Variants in ATP2B2 observed in about 807,000 individuals in gnomAD.
ATP2B2 encodes plasma membrane calcium-transporting ATPase 2.
In ATP2B2, 15 loss-of-function variants were observed where a neutral mutation model predicts 120.0. The observed-to-expected ratio is 0.12, with a 90% CI of 0.08 to 0.19. The LOEUF is 0.19. ATP2B2 is among the 10% of genes least tolerant of loss of function. ATP2B2 has a pLI of 1.00. For missense variants in ATP2B2, 1,045 were observed against 1,719.8 expected (o/e 0.61, Z 6.94); for synonymous variants, 694 against 700.3 (o/e 0.99, Z 0.14).
intron 2 of ATP2B2, among the ~76,000 whole-genome samples, chr3:10,585,245 C>A (rs1389999816): frequency 6.6e-6 from 1 of 152,004 alleles, no homozygotes; most frequent in Non-Finnish European, 1.5e-5. Context: ...CACCTATAAT[C>A]CCAGCTTTGG....
intron 2 of ATP2B2, among the ~76,000 whole-genome samples, chr3:10,613,956 C>T (rs1049586624): frequency 3.3e-5 from 5 of 152,080 alleles, no homozygotes; most frequent in Non-Finnish European, 5.9e-5. Context: ...TTCAGCCTGC[C>T]TCAGGCTTTT....
At chr3:10,350,676 A>T in intron 14 of ATP2B2, 99 bp from the exon 15 acceptor site, 1 of 1,311,682 alleles carries the variant, frequency 7.6e-7, no homozygotes, top group Non-Finnish European at 1.1e-6. Flanking sequence ...AGGCAGCTCT[A>T]CTGAAAGGGG....
rs2067141192 is a variant in ATP2B2 at position 10,528,300 on chromosome 3, A to T, written c.-320+5739T>A. Among the ~76,000 whole-genome samples the T allele has an allele frequency of 2.6e-5, 4 of 152,228 alleles. No individual in the cohort carries two copies. In the South Asian group the frequency reaches 8.3e-4, roughly 32 times the overall value. ...AAGGAAGCTTCCACTGAAACAAGTC[A>T]CGTGGGGAAATGCCAGGCCAGGAGA... On this transcript the variant is annotated intron_variant, in intron 3 of 21. Transcript: ENST00000646379.
chr3:10,706,823 G>A (rs1435403272), intron 1 of ATP2B2, among the ~76,000 whole-genome samples: 1 of 152,186 alleles, frequency 6.6e-6, no homozygotes, highest in Non-Finnish European at 1.5e-5. Flanking sequence ...GTAAGAGACA[G>A]TGTCCCAGAG....
chr3:10,696,051 C>T (rs568259683), intron 1 of ATP2B2, among the ~76,000 whole-genome samples: 1 of 152,294 alleles, frequency 6.6e-6, no homozygotes, highest in Admixed American at 6.5e-5. Flanking sequence ...AGATAGTTCT[C>T]GTCTTAACAT....
chr3:10,432,226 G>C (rs1054474102), intron 2 of ATP2B2, among the ~76,000 whole-genome samples: 2 of 152,152 alleles, frequency 1.3e-5, no homozygotes, highest in African/African-American at 4.8e-5. Flanking sequence ...TGATAATACC[G>C]GAAGGAGATG....
At chr3:10,442,353 C>T (rs986680287) in intron 2 of ATP2B2, among the ~76,000 whole-genome samples, 4 of 152,166 alleles carry the variant, frequency 2.6e-5, no homozygotes, top group Admixed American at 2.6e-4. Context: ...ACCGGGAAGC[C>T]CTTCAGTCAG....
chr3:10,392,560 G>T (rs1280087790), intron 5 of ATP2B2, among the ~76,000 whole-genome samples: 2 of 152,260 alleles, frequency 1.3e-5, no homozygotes, highest in Non-Finnish European at 2.9e-5. Context: ...GACCACAGGG[G>T]CAGAGGTGGG....
intron 1 of ATP2B2, among the ~76,000 whole-genome samples, chr3:10,663,213 C>G (rs1410403011): frequency 6.7e-6 from 1 of 148,310 alleles, no homozygotes; most frequent in Non-Finnish European, 1.5e-5. Flanking sequence ...GTACATTGTG[C>G]ACCCTAGAAT....
intron 1 of ATP2B2, among the ~76,000 whole-genome samples, chr3:10,638,999 C>T (rs1446412741): frequency 2.6e-5 from 4 of 152,170 alleles, no homozygotes; most frequent in Non-Finnish European, 5.9e-5. Flanking sequence ...AATTCACAAT[C>T]ATCGTTGGAG....
chr3:10,651,976 T>C (rs2070479683), intron 1 of ATP2B2, among the ~76,000 whole-genome samples: 1 of 152,192 alleles, frequency 6.6e-6, no homozygotes, highest in African/African-American at 2.4e-5. Flanking sequence ...GAATGGACTA[T>C]ACCAGGTTCA....
At chr3:10,420,661 C>T (rs928486209) in intron 2 of ATP2B2, among the ~76,000 whole-genome samples, 6 of 152,242 alleles carry the variant, frequency 3.9e-5, no homozygotes, top group Admixed American at 2.6e-4. Flanking sequence ...CACGCCCGGC[C>T]TGGGCCTTGG....
At chr3:10,569,390 C>T (rs765588126) in intron 2 of ATP2B2, among the ~76,000 whole-genome samples, 2 of 152,136 alleles carry the variant, frequency 1.3e-5, no homozygotes, top group South Asian at 2.1e-4. Flanking sequence ...GACTTGCCCT[C>T]GGTCCCACGG....
At chr3:10,443,550 G>C in intron 2 of ATP2B2, among the ~76,000 whole-genome samples, 1 of 143,928 alleles carries the variant, frequency 6.9e-6, no homozygotes, top group South Asian at 2.1e-4. Flanking sequence ...TTAACCCGAA[G>C]CTGCCGGAGC....
chr3:10,696,169 G>A (rs769663730), intron 1 of ATP2B2, among the ~76,000 whole-genome samples: 20 of 152,122 alleles, frequency 1.3e-4, no homozygotes. Flanking sequence ...TCTCCAACAT[G>A]GAAACTGTCC....
chr3:10,497,578 ATGAAT>A (rs2066204366), intron 1 of ATP2B2, among the ~76,000 whole-genome samples: 1 of 152,194 alleles, frequency 6.6e-6, no homozygotes, highest in African/African-American at 2.4e-5. Flanking sequence ...CAACAATCCT[ATGAAT>A]TGGACACTTT....
intron 3 of ATP2B2, among the ~76,000 whole-genome samples, chr3:10,532,296 A>G (rs1355991590): frequency 6.6e-6 from 1 of 152,226 alleles, no homozygotes; most frequent in Non-Finnish European, 1.5e-5. Flanking sequence ...GACCGCACAT[A>G]GAGAGTGCTC....
chr3:10,464,926 G>T lies in ATP2B2; in HGVS notation c.-319-15064C>A, dbSNP rs146560808. Among the ~76,000 whole-genome samples the T allele has an allele frequency of 2.0e-3, 304 of 152,350 alleles. 1 individual carries two copies. The highest frequency in any genetic ancestry group is 7.1e-3 in the African/African-American group (297 of 41,578). On this transcript the variant is annotated intron_variant, in intron 1 of 22. Transcript: ENST00000360273. ...GGCTCAGGCCCAAGGCCAGTCAGAG[G>T]ACTCACCTTCCTAAGCCTGCCACCC...
intron 1 of ATP2B2, among the ~76,000 whole-genome samples, chr3:10,676,657 C>T (rs933982164): frequency 6.6e-6 from 1 of 152,168 alleles, no homozygotes; most frequent in African/African-American, 2.4e-5. Context: ...CAGAATGGCT[C>T]TTTGGTCCAT....
Sources: allele counts gnomAD v4.1 joint callset (sites outside exome capture counted in the v4.1 genomes callset), GRCh38; gene constraint gnomAD v4.1.1; transcripts MANE v1.5; gene names NCBI Gene and HGNC (gene_info 2026-07-23, HGNC 2026-07-21).